The following ITPR2 variants were observed in gnomAD, a reference collection of about 807,000 sequenced individuals.
The protein encoded by ITPR2 is inositol 1,4,5-trisphosphate receptor type 2, also known as inositol 1,4,5-trisphosphate-gated calcium channel ITPR2.
A neutral mutation model predicts 317.1 loss-of-function variants in ITPR2; 207 were observed. The ratio of observed to expected loss-of-function variants is 0.65; its 90% CI spans 0.58 to 0.73. The LOEUF is 0.73. ITPR2 is among the 30% of genes least tolerant of loss of function. The pLI, the probability that ITPR2 is intolerant of heterozygous loss-of-function variation, is 0.00. For synonymous variants in ITPR2, 1,156 were observed against 1,149.1 expected, an observed-to-expected ratio of 1.01 and a Z score of -0.12; for missense variants, 2,613 against 3,284.0, an observed-to-expected ratio of 0.80 and a Z score of 4.99.
intron 37 of ITPR2, among the ~76,000 whole-genome samples, chr12:26,523,310 A>C (rs1943715062): frequency 6.6e-6 from 1 of 152,178 alleles, no homozygotes; most frequent in African/African-American, 2.4e-5. Flanking sequence ...TCTCACAAAA[A>C]ATTAATTTGT....
chr12:26,348,666 G>C (rs1017494696), intron 55 of ITPR2, among the ~76,000 whole-genome samples: 3 of 152,200 alleles, frequency 2.0e-5, no homozygotes, highest in African/African-American at 4.8e-5. Flanking sequence ...GCAGGTGACA[G>C]AGAAAGGATA....
rs1379020740 is a variant in ITPR2, at chr12:26,641,868, G to A, written c.2741-9809C>T. On this transcript the variant is annotated intron_variant, in intron 21 of 56. Transcript: ENST00000381340. ...AATGAGGAGAGTCCTTTTAGGCACC[G>A]TTGACAACTAAAAGAAAGTCCAATA... Among the ~76,000 whole-genome samples the A allele has an allele frequency of 2.6e-5, 4 of 152,206 alleles. No homozygotes were observed. In the East Asian group the frequency reaches 5.8e-4, roughly 22 times the overall value.
Position 26,525,190 on chromosome 12 carries a change from T to C in ITPR2, c.5073+25057A>G, listed in dbSNP as rs1007350491. ...CACTACCATGAGGAGAGTGTGGGCA[T>C]GGAAGGCAGGGGATGGCAAAGTAGA... is the stretch of plus-strand genomic sequence containing the variant. On this transcript the variant is annotated intron_variant, in intron 37 of 56. Transcript: ENST00000381340. 2.0e-4 allele frequency among the ~76,000 whole-genome samples: 31 copies of C among 152,150 alleles called. 1 individual carries two copies. Among genetic ancestry groups the C allele is most frequent in the Non-Finnish European group, 2.8e-4 (19 of 68,014 alleles).
chr12:26,810,363 T>C (rs1016238913), intron 1 of ITPR2, among the ~76,000 whole-genome samples: 2 of 152,256 alleles, frequency 1.3e-5, no homozygotes, highest in African/African-American at 4.8e-5. Flanking sequence ...TTACCTGCTT[T>C]ATTCAATGTT....
chr12:26,419,083 C>T lies in ITPR2; in HGVS notation c.7076G>A (p.Gly2359Asp), dbSNP rs1013440436. 1 of 1,613,586 alleles carries T rather than the reference C, an allele frequency of 6.2e-7. No individual in the cohort carries two copies. The highest frequency in any genetic ancestry group is 8.5e-7 in the Non-Finnish European group (1 of 1,179,730). ...ATAGAAGAATTCATGGACAAAAAGGCCCAGCATGCAAACCAGGACATACGC... is the reference window on the plus strand; with the variant it reads ...ATAGAAGAATTCATGGACAAAAAGGTCCAGCATGCAAACCAGGACATACGC... ...HVAYVLVCML[G>D]LFVHEFFYSF... Residue 2359 changes from glycine to aspartate, a missense_variant, in exon 50 of 57, where the codon GGC (glycine) becomes GAC (aspartate). Gly to Asp is a moderately conservative substitution (Grantham distance 94). This residue lies in a region of ITPR2 where 78 missense variants were observed against 110.3 expected (regional missense o/e 0.71). Transcript: ENST00000381340.
At chr12:26,678,930 A>G (rs1008226216) in intron 13 of ITPR2, among the ~76,000 whole-genome samples, 4 of 152,218 alleles carry the variant, frequency 2.6e-5, no homozygotes, top group Non-Finnish European at 4.4e-5. Context: ...CTTTTCTTCA[A>G]GGAATATCTT....
At chr12:26,703,200 A>G (rs1174263342) in intron 9 of ITPR2, among the ~76,000 whole-genome samples, 1 of 152,202 alleles carries the variant, frequency 6.6e-6, no homozygotes, top group Non-Finnish European at 1.5e-5. Flanking sequence ...GAGACTTAGC[A>G]TGGTCACCTA....
At chr12:26,533,990 C>A (rs767385795) in intron 37 of ITPR2, among the ~76,000 whole-genome samples, 1 of 152,184 alleles carries the variant, frequency 6.6e-6, no homozygotes, top group Non-Finnish European at 1.5e-5. Flanking sequence ...CTGACTAGAA[C>A]TATACAAGTC....
chr12:26,596,019 C>A (rs1254784890), intron 31 of ITPR2, among the ~76,000 whole-genome samples: 1 of 152,178 alleles, frequency 6.6e-6, no homozygotes, highest in Non-Finnish European at 1.5e-5. Context: ...TATTGGCAGA[C>A]AACCAGCTGC....
intron 41 of ITPR2, among the ~76,000 whole-genome samples, 190 bp from the exon 42 acceptor site, chr12:26,484,088 T>TATAC (rs1942605211): frequency 6.6e-6 from 1 of 151,062 alleles, no homozygotes; most frequent in South Asian, 2.1e-4. Context: ...TATATATATA[T>TATAC]ACACACACAC....
chr12:26,426,473 T>C (rs1044046657), intron 49 of ITPR2, among the ~76,000 whole-genome samples: 2 of 152,152 alleles, frequency 1.3e-5, no homozygotes, highest in Non-Finnish European at 2.9e-5. Flanking sequence ...TAGAGAAACA[T>C]GGAGCTGGGA....
rs201336260 is a variant in ITPR2 at position 26,556,197 on chromosome 12, A to G, written c.4964+36T>C. On this transcript the variant is annotated intron_variant, in intron 36 of 56. Transcript: ENST00000381340. ...AAATGTTAGAGGCCATGTCAGTTTG[A>G]CGACACTAGCAGAATCTCAGATTGG... is the stretch of plus-strand genomic sequence containing the variant. 2.7e-5 allele frequency: 44 copies of G among 1,604,588 alleles called. No homozygotes were observed. The African/African-American group carries it at 5.0e-4, about 18-fold the overall frequency.
chr12:26,559,393 T>A (rs1302562553), intron 35 of ITPR2, among the ~76,000 whole-genome samples: 1 of 152,206 alleles, frequency 6.6e-6, no homozygotes, highest in African/African-American at 2.4e-5. Flanking sequence ...AAGTCCAAGA[T>A]CAGGCACCAG....
rs748619868 is a variant in ITPR2, at chr12:26,655,669, A to G, written c.2589+39T>C. On this transcript the variant is annotated intron_variant, in intron 20 of 56. Coordinates refer to ENST00000381340, the MANE Select transcript of ITPR2 (RefSeq NM_002223.4). ...AATACCTTCATGAACTAAACTACCC[A>G]GTTACCAAAACATCCTAAATATTAG... 7.2e-6 allele frequency: 11 copies of G among 1,522,338 alleles called. No individual in the cohort carries two copies. In the South Asian group the frequency reaches 1.2e-4, roughly 16 times the overall value. The allele number at this position is 1,522,338 out of a possible 1,614,324, so 94.3% of individuals were successfully genotyped here.
chr12:26,504,960 AAAAAAAGGG>A (rs1943152979), intron 37 of ITPR2, among the ~76,000 whole-genome samples: 1 of 152,140 alleles, frequency 6.6e-6, no homozygotes, highest in African/African-American at 2.4e-5. Context: ...GATGACAGGG[AAAAAAAGGG>A]AAGTCCTAGA....
intron 51 of ITPR2, among the ~76,000 whole-genome samples, chr12:26,413,921 T>C (rs968115088): frequency 2.6e-5 from 4 of 152,136 alleles, no homozygotes. Context: ...TGCACACATT[T>C]TGAATTCATA....
intron 40 of ITPR2, 68 bp downstream of exon 40, chr12:26,487,000 T>C: frequency 2.9e-6 from 4 of 1,366,982 alleles, no homozygotes; most frequent in Non-Finnish European, 4.2e-6. Flanking sequence ...AAAATGTTAA[T>C]GAGATTTAAA....
chr12:26,485,875 G>A (rs531327145), intron 41 of ITPR2, among the ~76,000 whole-genome samples: 5 of 152,186 alleles, frequency 3.3e-5, no homozygotes, highest in East Asian at 1.9e-4. Context: ...TAAAAATATT[G>A]AGGAGGATGA....
chr12:26,487,605 G>C (rs1214444908), intron 39 of ITPR2, among the ~76,000 whole-genome samples: 1 of 152,140 alleles, frequency 6.6e-6, no homozygotes. Context: ...CAACATGTAT[G>C]TATTGAGTGC....
Sources: gnomAD v4.1 joint callset for allele counts (sites outside exome capture counted in the v4.1 genomes callset) on GRCh38, gnomAD v4.1.1 for gene constraint, gnomAD v4.1.1 regional missense constraint, MANE v1.5 for transcripts, NCBI Gene and HGNC (gene_info 2026-07-23, HGNC 2026-07-21) for gene names.